The following MTNR1B variants were observed in gnomAD, a reference collection of about 807,000 sequenced individuals.
MTNR1B encodes the protein melatonin receptor 1B, also known as melatonin receptor type 1B.
Under a neutral mutation model 7.0 loss-of-function variants are expected in MTNR1B, and 7 were observed. The ratio of observed to expected loss-of-function variants is 1.00; its 90% CI spans 0.57 to 1.88. The LOEUF (loss-of-function observed/expected upper bound fraction) is 1.88, where lower values mean the gene tolerates loss of function less well. MTNR1B is among the 40% of genes most tolerant of loss of function. The probability of loss-of-function intolerance (pLI) is 0.00; values close to 1 mark genes in which losing one functional copy is unlikely to be tolerated. For synonymous variants in MTNR1B, 226 were observed against 208.2 expected (o/e 1.09, Z -0.74); for missense variants, 478 against 486.5 (o/e 0.98, Z 0.16).
chr11:92,977,657 G>A (rs1409000489), intron 1 of MTNR1B, among the ~76,000 whole-genome samples: 2 of 152,166 alleles, frequency 1.3e-5, no homozygotes, highest in Admixed American at 6.5e-5. Context: ...CCACCACCTT[G>A]TTCTGGCCTT....
chr11:92,982,257 T>C lies in MTNR1B; in HGVS notation c.1034T>C (p.Leu345Pro). The C allele has an allele frequency of 1.9e-6, 3 of 1,614,170 alleles. No homozygotes were observed. In the South Asian group the frequency reaches 3.3e-5, roughly 18 times the overall value. ...TCCAAGGGCAGCCACGCGGAGGGGC[T>C]GCAGAGCCCAGCTCCACCCATCATT... The part of the protein sequence containing the change: ...DASKGSHAEG[L>P]QSPAPPIIGV... Residue 345 changes from leucine (L) to proline (P), a missense_variant, in exon 2 of 2, where the codon CTG becomes CCG. By Grantham distance (98) the Leu-to-Pro change is moderately conservative. Coordinates refer to ENST00000257068, the MANE Select transcript of MTNR1B (RefSeq NM_005959.5).
At chr11:92,983,870 A>G (rs1023081790), downstream of MTNR1B, among the ~76,000 whole-genome samples, 4 of 152,140 alleles carry the variant, frequency 2.6e-5, no homozygotes, top group African/African-American at 9.7e-5. Context: ...ATGTCATTTA[A>G]TCCCCACAAA....
chr11:92,977,772 G>A (rs182933623), intron 1 of MTNR1B, among the ~76,000 whole-genome samples: 21 of 152,294 alleles, frequency 1.4e-4, no homozygotes, highest in Non-Finnish European at 2.2e-4. Context: ...CCATCACTGC[G>A]TCTTACTTGA....
rs777163058 is a variant in MTNR1B at position 92,969,785 on chromosome 11, G to T, written c.60G>T (p.Pro20=). 2 of 1,545,140 alleles carry T rather than the reference G, an allele frequency of 1.3e-6. No homozygotes were observed. Among genetic ancestry groups the T allele is most frequent in the Non-Finnish European group, 8.7e-7 (1 of 1,145,278 alleles). Residue 20 remains proline, a synonymous_variant, in exon 1 of 2, where the codon CCG becomes CCT. Coordinates refer to ENST00000257068, the MANE Select transcript of MTNR1B (RefSeq NM_005959.5). ...AGGCGGGCGGGTGGGCAGTGCGCCC[G>T]GGCTGGTCGGGGGCTGGCAGCGCGC... ...CCEAGGWAVR[P]GWSGAGSARP...
Position 92,982,194 on chromosome 11 carries a change from T to A in MTNR1B, c.971T>A (p.Leu324Ter). Residue 324 changes from leucine to a stop codon, truncating the protein, a stop_gained, in exon 2 of 2, where the codon TTG (leucine) becomes TAG (stop). Coordinates refer to ENST00000257068, the MANE Select transcript of MTNR1B (RefSeq NM_005959.5). LOFTEE classifies it low-confidence loss of function (END_TRUNC). ...CGCAGGGAATACAAGAGGATCCTCT[T>A]GGCCCTTTGGAACCCACGGCACTGC... ...NFRREYKRIL[L>*]ALWNPRHCIQ... The A allele has an allele frequency of 6.2e-7, 1 of 1,614,192 alleles. No homozygotes were observed. Among genetic ancestry groups the A allele is most frequent in the South Asian group, 1.1e-5 (1 of 91,080 alleles).
chr11:92,980,314 G>A (rs1449108658), intron 1 of MTNR1B, among the ~76,000 whole-genome samples: 1 of 152,234 alleles, frequency 6.6e-6, no homozygotes, highest in Non-Finnish European at 1.5e-5. Context: ...TGGAGGGAGA[G>A]TCTGTTATCT....
At chr11:92,976,771 A>T (rs557233545) in intron 1 of MTNR1B, among the ~76,000 whole-genome samples, 1 of 152,278 alleles carries the variant, frequency 6.6e-6, no homozygotes, top group South Asian at 2.1e-4. Flanking sequence ...CTTTCTCTTA[A>T]TTCCCTTGAT....
At chr11:92,975,060 C>T (rs768754465) in intron 1 of MTNR1B, among the ~76,000 whole-genome samples, 15 of 152,196 alleles carry the variant, frequency 9.9e-5, no homozygotes, top group African/African-American at 2.9e-4. Context: ...TTATCAGCAG[C>T]GTGAAAACAG....
downstream of MTNR1B, chr11:92,984,693 C>T (rs1482573578): frequency 5.8e-6 from 2 of 344,894 alleles, no homozygotes; most frequent in Non-Finnish European, 1.1e-5. Context: ...GGCACGTGCT[C>T]AGTAAATATG....
At chr11:92,981,333 GA>G (rs1858098425) in intron 1 of MTNR1B, 113 bp from the exon 2 acceptor site, 1 of 1,425,300 alleles carries the variant, frequency 7.0e-7, no homozygotes, top group Admixed American at 2.1e-5. Context: ...GTGCCTCTAA[GA>G]GCCACTTGGT....
chr11:92,976,574 G>A (rs1028728346), intron 1 of MTNR1B, among the ~76,000 whole-genome samples: 4 of 152,106 alleles, frequency 2.6e-5, no homozygotes, highest in Admixed American at 6.5e-5. Flanking sequence ...CTTCCTAAGC[G>A]CCACTCTCTA....
In MTNR1B at chr11:92,969,897, A is replaced by G; in HGVS notation, c.172A>G (p.Asn58Asp). 6.2e-7 allele frequency: 1 copy of G among 1,612,406 alleles called. No individual in the cohort carries two copies. The highest frequency in any genetic ancestry group is 8.5e-7 in the Non-Finnish European group (1 of 1,179,688). ...IVTTAVDVVG[N>D]LLVILSVLRN... ...CACCACCGCCGTGGACGTCGTGGGC[A>G]ACCTCCTGGTGATCCTCTCCGTGCT... The change falls in exon 1 of 2, where the codon AAC (asparagine) becomes GAC (aspartate). Residue 58 changes from asparagine (N) to aspartate (D), a missense_variant. Transcript: ENST00000257068.
intron 1 of MTNR1B, among the ~76,000 whole-genome samples, chr11:92,972,975 G>T (rs924962512): frequency 6.6e-6 from 1 of 152,018 alleles, no homozygotes; most frequent in African/African-American, 2.4e-5. Flanking sequence ...TAATGTAGTT[G>T]TGGACATCTA....
chr11:92,976,261 T>A (rs965503105), intron 1 of MTNR1B, among the ~76,000 whole-genome samples: 22 of 151,962 alleles, frequency 1.4e-4, no homozygotes, highest in African/African-American at 4.8e-4. Flanking sequence ...GCTGGAGGAG[T>A]AGAGATAGAG....
chr11:92,973,458 G>A (rs1278309690), intron 1 of MTNR1B, among the ~76,000 whole-genome samples: 1 of 152,258 alleles, frequency 6.6e-6, no homozygotes, highest in East Asian at 1.9e-4. Context: ...TTTGCGGCTG[G>A]CCTAGCCCAC....
Position 92,972,577 on chromosome 11 carries a change from G to A in MTNR1B, c.223+2629G>A, listed in dbSNP as rs140355605. On this transcript the variant is annotated intron_variant, in intron 1 of 1. Transcript: ENST00000257068. The stretch of plus-strand genomic sequence containing the variant: ...AGGTGGGAGGTAGGGTCAGGGCACC[G>A]ACCCAACTTAAAAGGTAAGGCCAAG... 1,787 of 455,458 alleles carry A rather than the reference G, an allele frequency of 3.9e-3. 22 individuals are homozygous for A. Among genetic ancestry groups the A allele is most frequent in the South Asian group, 0.012 (793 of 64,490 alleles). 28.2% of individuals were successfully genotyped at this position (455,458 alleles called of 1,614,324 possible). A position where few individuals can be genotyped will look rare whatever the true frequency, so the allele number is the denominator to read the frequency against.
intron 1 of MTNR1B, among the ~76,000 whole-genome samples, chr11:92,975,189 T>C (rs1275652428): frequency 6.6e-6 from 1 of 152,190 alleles, no homozygotes; most frequent in Non-Finnish European, 1.5e-5. Context: ...CCAAGTACTC[T>C]CCACTATCAG....
intron 1 of MTNR1B, 31 bp from the exon 2 acceptor site, chr11:92,981,416 G>C (rs551551378): frequency 6.3e-7 from 1 of 1,594,522 alleles, no homozygotes; most frequent in Non-Finnish European, 8.6e-7. Flanking sequence ...GTGGGGTCTC[G>C]TGCTGACTGT....
At chr11:92,982,947 C>CCA (rs71473981), downstream of MTNR1B, among the ~76,000 whole-genome samples, 2,259 of 62,392 alleles carry the variant, frequency 0.036, 39 homozygotes, top group East Asian at 0.059. Flanking sequence ...CCCCCCCCCC[C>CCA]CACACACACA....
Sources: gnomAD v4.1 joint callset for allele counts (sites outside exome capture counted in the v4.1 genomes callset) on GRCh38, gnomAD v4.1.1 for gene constraint, MANE v1.5 for transcripts, NCBI Gene and HGNC (gene_info 2026-07-23, HGNC 2026-07-21) for gene names.